TMEM9B: variants seen among roughly 807,000 people sequenced by gnomAD.
The protein encoded by TMEM9B is TMEM9 domain family member B.
Under a neutral mutation model 23.5 loss-of-function variants are expected in TMEM9B, and 8 were observed. The observed-to-expected ratio is 0.34, with a 90% CI of 0.20 to 0.61. The LOEUF is 0.61. Ranked by LOEUF, TMEM9B falls within the 20% of genes least tolerant of loss-of-function variation. TMEM9B has a pLI of 0.78. For synonymous variants in TMEM9B, 106 were observed against 96.3 expected (o/e 1.10, Z -0.59); for missense variants, 197 against 252.3 (o/e 0.78, Z 1.49).
chr11:8,964,274 A>C lies in TMEM9B; in HGVS notation c.40T>G (p.Leu14Val). 4 of 1,595,468 alleles carry C rather than the reference A, an allele frequency of 2.5e-6. No individual in the cohort carries two copies. The East Asian group carries it at 9.1e-5, about 36-fold the overall frequency. ...AGCGCCAGGCACGACAGGCTGAGCA[A>C]GGAGCCAAGCCGAAGAAGGCCTCCC... is the stretch of plus-strand genomic sequence containing the variant. The part of the protein sequence containing the change: ...LWGGLLRLGS[L>V]LSLSCLALSV... The change falls in exon 1 of 5, where the codon TTG becomes GTG. Residue 14 changes from leucine (L) to valine (V), a missense_variant. This residue lies in a region of TMEM9B where 56 missense variants were observed against 38.2 expected (regional missense o/e 1.46). Coordinates refer to ENST00000534025, the MANE Select transcript of TMEM9B (RefSeq NM_020644.3).
chr11:8,964,788 C>G (rs1184488662), upstream of TMEM9B: 2 of 160,578 alleles, frequency 1.2e-5, no homozygotes, highest in African/African-American at 4.8e-5. Context: ...AGGGCGGGTG[C>G]TGAGCGTGGA....
rs776248129 is a variant in TMEM9B, at chr11:8,964,300, C to A, written c.14G>T (p.Trp5Leu). MATL[W>L]GGLLRLGSLL... ...GGAGCCAAGCCGAAGAAGGCCTCCC[C>A]ACAGGGTCGCCATCGCTGGGGGCCC... The change falls in exon 1 of 5, where the codon TGG becomes TTG. Residue 5 changes from tryptophan to leucine, a missense_variant. Physicochemically the swap from Trp to Leu is moderately conservative, Grantham distance 61. Around this residue, in one of 2 missense-constraint regions of TMEM9B, gnomAD observed 56 missense variants for 38.2 expected, o/e 1.46. Transcript: ENST00000534025. The A allele has an allele frequency of 3.8e-6, 6 of 1,581,830 alleles. No homozygotes were observed. Among genetic ancestry groups the A allele is most frequent in the African/African-American group, 1.3e-5 (1 of 74,128 alleles).
rs775030622 is a variant in TMEM9B at position 8,948,216 on chromosome 11, T to G, written c.*104A>C. 1.4e-6 allele frequency: 2 copies of G among 1,388,686 alleles called. No individual in the cohort carries two copies. Among genetic ancestry groups the G allele is most frequent in the Non-Finnish European group, 1.9e-6 (2 of 1,029,994 alleles). 86.0% of individuals were successfully genotyped at this position (1,388,686 alleles called of 1,614,324 possible). On this transcript the variant is annotated 3_prime_UTR_variant, in exon 5 of 5. Transcript: ENST00000534025. The stretch of plus-strand genomic sequence containing the variant: ...CCAGTTTTGAATCTTCCAGCAACAG[T>G]TGGTGAAATCAACAAGGTATTAAAA...
At chr11:8,964,462 G>C (rs1480764276), upstream of TMEM9B, 11 of 1,423,784 alleles carry the variant, frequency 7.7e-6, no homozygotes, top group African/African-American at 1.5e-4. Context: ...GGCGTCACCG[G>C]GCGCGCCGGG....
In TMEM9B at chr11:8,957,492, G is replaced by A. The variant is rs1051505680; in HGVS notation, c.198-1194C>T. 4.6e-5 allele frequency among the ~76,000 whole-genome samples: 7 copies of A among 152,094 alleles called. No homozygotes were observed. Among genetic ancestry groups the A allele is most frequent in the South Asian group, 2.1e-4 (1 of 4,830 alleles). Reference sequence around the variant, plus strand: ...TTTTCTTTCCTTTTGGCATCTCTTCGTTAGGCATTCCTGGCTGCCTCAAGC... The same window carrying A: ...TTTTCTTTCCTTTTGGCATCTCTTCATTAGGCATTCCTGGCTGCCTCAAGC... On this transcript the variant is annotated intron_variant, in intron 2 of 4. Transcript: ENST00000534025. This position sits in a 1 kb window ranked among gnomAD's most constrained non-coding sequence, Gnocchi z 4.3.
upstream of TMEM9B, chr11:8,964,466 C>T (rs919081873): frequency 2.8e-6 from 4 of 1,421,902 alleles, no homozygotes; most frequent in African/African-American, 5.9e-5. Flanking sequence ...TCACCGGGCG[C>T]GCCGGGTCAG....
intron 2 of TMEM9B, among the ~76,000 whole-genome samples, chr11:8,960,672 T>C (rs1854060467): frequency 6.6e-6 from 1 of 152,044 alleles, no homozygotes; most frequent in Non-Finnish European, 1.5e-5. Flanking sequence ...CATAAAGATT[T>C]ATTTGAACAT....
Position 8,948,400 on chromosome 11 carries a change from C to T in TMEM9B, c.517G>A (p.Glu173Lys). 6.2e-7 allele frequency: 1 copy of T among 1,614,252 alleles called. No homozygotes were observed. The highest frequency in any genetic ancestry group is 8.5e-7 in the Non-Finnish European group (1 of 1,180,046). Reference sequence around the variant, plus strand: ...AGCTTCCAGCGCTGCTGTGCATATTCTACCTTGTTCAGCACGTTGGCTCGA... The same window carrying T: ...AGCTTCCAGCGCTGCTGTGCATATTTTACCTTGTTCAGCACGTTGGCTCGA... ...RSRANVLNKVEYAQQRWKLQV... is the reference protein window; with the variant it reads ...RSRANVLNKVKYAQQRWKLQV... The change falls in exon 5 of 5, where the codon GAA (glutamate) becomes AAA (lysine). Residue 173 changes from glutamate to lysine, a missense_variant. By Grantham distance (56) the Glu-to-Lys change is moderately conservative (BLOSUM62 1). This residue lies in a region of TMEM9B where 141 missense variants were observed against 214.1 expected (regional missense o/e 0.66). Coordinates refer to ENST00000534025, the MANE Select transcript of TMEM9B (RefSeq NM_020644.3).
At chr11:8,949,946 G>A (rs1453196174) in intron 4 of TMEM9B, among the ~76,000 whole-genome samples, 2 of 151,140 alleles carry the variant, frequency 1.3e-5, no homozygotes, top group South Asian at 2.1e-4. Flanking sequence ...GGAAGGCAGG[G>A]GCTATTCACA....
At chr11:8,962,480 C>T (rs906073238) in intron 1 of TMEM9B, among the ~76,000 whole-genome samples, 1 of 152,194 alleles carries the variant, frequency 6.6e-6, no homozygotes, top group African/African-American at 2.4e-5. Flanking sequence ...TTATTACCAT[C>T]TATCTGCCAC....
intron 1 of TMEM9B, among the ~76,000 whole-genome samples, chr11:8,963,840 C>T (rs529691434): frequency 1.3e-5 from 2 of 151,548 alleles, no homozygotes; most frequent in East Asian, 2.0e-4. Flanking sequence ...CGCAGGTGGG[C>T]TGTCAAGAGC....
chr11:8,952,043 A>C (rs1853885914), intron 4 of TMEM9B, among the ~76,000 whole-genome samples: 1 of 152,146 alleles, frequency 6.6e-6, no homozygotes, highest in South Asian at 2.1e-4. Flanking sequence ...TGGGAGGCTG[A>C]GGTTGTAGTG....
At chr11:8,958,394 A>G (rs1329358472) in intron 2 of TMEM9B, among the ~76,000 whole-genome samples, 2 of 146,322 alleles carry the variant, frequency 1.4e-5, no homozygotes, top group South Asian at 2.3e-4. Flanking sequence ...CCTGGGAGGC[A>G]GAGGTTGTAG....
intron 3 of TMEM9B, among the ~76,000 whole-genome samples, chr11:8,954,324 G>A (rs916153683): frequency 2.3e-4 from 35 of 150,504 alleles, no homozygotes; most frequent in African/African-American, 7.8e-4. Flanking sequence ...TTTTTTTTGA[G>A]ACAGAGTCTC....
Position 8,964,252 on chromosome 11 carries a change from G to C in TMEM9B, c.62C>G (p.Ala21Gly). 1 of 1,596,650 alleles carries C rather than the reference G, an allele frequency of 6.3e-7. No individual in the cohort carries two copies. The highest frequency in any genetic ancestry group is 8.5e-7 in the Non-Finnish European group (1 of 1,172,496). Reference sequence around the variant, plus strand: ...CTGCGCCAGCAGCAGCACGGAAAGCGCCAGGCACGACAGGCTGAGCAAGGA... The same window carrying C: ...CTGCGCCAGCAGCAGCACGGAAAGCCCCAGGCACGACAGGCTGAGCAAGGA... ...LGSLLSLSCL[A>G]LSVLLLAQLS... The change falls in exon 1 of 5, where the codon GCG (alanine) becomes GGG (glycine). Residue 21 changes from alanine (A) to glycine (G), a missense_variant. Coordinates refer to ENST00000534025, the MANE Select transcript of TMEM9B (RefSeq NM_020644.3).
In TMEM9B at chr11:8,964,234, A is replaced by G. The variant is rs1172301907; in HGVS notation, c.80T>C (p.Leu27Pro). The change falls in exon 1 of 5, where the codon CTG (leucine) becomes CCG (proline). Residue 27 changes from leucine (L) to proline (P), a missense_variant. Leu to Pro is a moderately conservative substitution (Grantham distance 98). Coordinates refer to ENST00000534025, the MANE Select transcript of TMEM9B (RefSeq NM_020644.3). Reference sequence around the variant, plus strand: ...CTTGGCGGCGTCTGACAGCTGCGCCAGCAGCAGCACGGAAAGCGCCAGGCA... The same window carrying G: ...CTTGGCGGCGTCTGACAGCTGCGCCGGCAGCAGCACGGAAAGCGCCAGGCA... ...LSCLALSVLL[L>P]AQLSDAAKNF... The G allele has an allele frequency of 5.7e-6, 9 of 1,591,046 alleles. No individual in the cohort carries two copies. Among genetic ancestry groups the G allele is most frequent in the Non-Finnish European group, 7.7e-6 (9 of 1,169,748 alleles).
rs1395582782 is a variant in TMEM9B, at chr11:8,964,413, G to C, written c.-100C>G. The C allele has an allele frequency of 1.4e-6, 2 of 1,450,804 alleles. No individual in the cohort carries two copies. Among genetic ancestry groups the C allele is most frequent in the South Asian group, 1.4e-5 (1 of 70,262 alleles). 89.9% of individuals were successfully genotyped at this position (1,450,804 alleles called of 1,614,324 possible). On this transcript the variant is annotated 5_prime_UTR_variant, in exon 1 of 5. Transcript: ENST00000534025. ...GGCTCAGGCACAGGCTTGGGACCCG[G>C]CTGGGGATCCTCCGCCCGCACTTCC...
chr11:8,962,736 C>G (rs1854103455), intron 1 of TMEM9B: 1 of 152,596 alleles, frequency 6.6e-6, no homozygotes, highest in Admixed American at 6.5e-5. Context: ...TAGCCTGACT[C>G]TGAGATCAGT....
rs1237534824 is a variant in TMEM9B, at chr11:8,956,308, C to CA, written c.198-11dup. 6.2e-7 allele frequency: 1 copy of CA among 1,611,458 alleles called. No homozygotes were observed. The highest frequency in any genetic ancestry group is 1.3e-5 in the African/African-American group (1 of 74,984). ...AACATGAAGGCAATCACTGAAAAAA[C>CA]AAAGATAAAATGCTGCTTAAGCCCA... On this transcript the variant is annotated splice_polypyrimidine_tract_variant and intron_variant, in intron 2 of 4. Transcript: ENST00000534025.
Sources: gnomAD v4.1 joint callset for allele counts (sites outside exome capture counted in the v4.1 genomes callset) on GRCh38, gnomAD v4.1.1 for gene constraint, gnomAD v4.1.1 regional missense constraint, Gnocchi (gnomAD v3.1) non-coding constraint, MANE v1.5 for transcripts, NCBI Gene and HGNC (gene_info 2026-07-23, HGNC 2026-07-21) for gene names.